The following BUB1 variants were observed in gnomAD, a reference collection of about 807,000 sequenced individuals.
BUB1 encodes BUB1 mitotic checkpoint serine/threonine kinase, also known as mitotic checkpoint serine/threonine-protein kinase BUB1.
BUB1 carries 84 observed loss-of-function variants against 135.2 expected under a neutral mutation model. The observed-to-expected ratio is 0.62, with a 90% CI of 0.52 to 0.74. The LOEUF (loss-of-function observed/expected upper bound fraction) is 0.74, where lower values mean the gene tolerates loss of function less well. Among genes scored for constraint, BUB1 ranks in the 30% least tolerant of loss-of-function variants. The pLI is 0.00. For synonymous variants in BUB1, 403 were observed against 434.4 expected, an observed-to-expected ratio of 0.93 and a Z score of 0.90; for missense variants, 1,162 against 1,288.3, an observed-to-expected ratio of 0.90 and a Z score of 1.50.
At position 110,657,088 on chromosome 2, in the gene BUB1, C is replaced by A; in HGVS notation, c.1646G>T (p.Gly549Val). 1 of 1,612,906 alleles carries A rather than the reference C, an allele frequency of 6.2e-7. No homozygotes were observed. Among genetic ancestry groups the A allele is most frequent in the South Asian group, 1.1e-5 (1 of 90,852 alleles). ...GLPQPKNKPT[G>V]ARTFGERSVS... is the part of the protein sequence containing the mutation. The stretch of plus-strand genomic sequence containing the variant: ...AGAGCGTTCTCCAAAGGTCCTGGCT[C>A]CTGTGGGTTTATTTTTAGGCTGTGG... Residue 549 changes from glycine (G) to valine (V), a missense_variant, in exon 15 of 25, where the codon GGA becomes GTA. Gly to Val is a moderately radical substitution (Grantham distance 109, BLOSUM62 -3). Transcript: ENST00000302759.
At chr2:110,643,445 A>G (rs1306191123) in intron 19 of BUB1, among the ~76,000 whole-genome samples, 4 of 152,234 alleles carry the variant, frequency 2.6e-5, no homozygotes, top group Non-Finnish European at 5.9e-5. Flanking sequence ...CCTAACCCAT[A>G]GGCAGATTAA....
At chr2:110,663,153 G>A (rs992111058) in intron 9 of BUB1, among the ~76,000 whole-genome samples, 4 of 152,024 alleles carry the variant, frequency 2.6e-5, no homozygotes, top group Non-Finnish European at 5.9e-5. Context: ...GGTGGCGGGC[G>A]CCTGTAATCC....
chr2:110,641,067 AAC>A lies in BUB1; in HGVS notation c.2920_2921del (p.Val974Ter). 6.2e-7 allele frequency: 1 copy of A among 1,605,008 alleles called. No homozygotes were observed. The highest frequency in any genetic ancestry group is 8.5e-7 in the Non-Finnish European group (1 of 1,176,872). ...AKCETSGFQCVEMLSNKPWNY... is the reference protein window; with the variant it reads ...AKCETSGFQCXEMLSNKPWNY... ...TCCATGGTTTGTTGCTGAGCATCTCAACACACTGAAAACCAGATGTTTCACAC... is the reference window on the plus strand; with the variant it reads ...TCCATGGTTTGTTGCTGAGCATCTCAACACTGAAAACCAGATGTTTCACAC... On this transcript the variant is annotated frameshift_variant, in exon 23 of 25. Coordinates refer to ENST00000302759, the MANE Select transcript of BUB1 (RefSeq NM_004336.5). LOFTEE classifies it high-confidence loss of function.
At position 110,657,867 on chromosome 2, in the gene BUB1, T is replaced by C. The variant is rs537411841; in HGVS notation, c.1517-222A>G. Among the ~76,000 whole-genome samples the C allele has an allele frequency of 3.7e-4, 57 of 152,352 alleles. 1 individual carries two copies. In the South Asian group the frequency reaches 6.2e-3, roughly 17 times the overall value. ...TCCCAGGTCACGAGTCCCTGCCACATATCAGCAAGGTGTTAATCATTCTCC... is the reference window on the plus strand; with the variant it reads ...TCCCAGGTCACGAGTCCCTGCCACACATCAGCAAGGTGTTAATCATTCTCC... On this transcript the variant is annotated intron_variant, in intron 13 of 24. Coordinates refer to ENST00000302759, the MANE Select transcript of BUB1 (RefSeq NM_004336.5).
chr2:110,639,401 AAAAAAAAG>A (rs1186121267), intron 24 of BUB1, among the ~76,000 whole-genome samples: 4 of 149,970 alleles, frequency 2.7e-5, no homozygotes, highest in African/African-American at 7.5e-5. Flanking sequence ...GACCAAAAAA[AAAAAAAAG>A]AAAAAAAAGA....
intron 9 of BUB1, among the ~76,000 whole-genome samples, chr2:110,662,624 AC>A (rs1321058720): frequency 2.6e-5 from 4 of 152,148 alleles, no homozygotes; most frequent in Non-Finnish European, 4.4e-5. Flanking sequence ...ACATGGCAAA[AC>A]CCTGTCTCTA....
At chr2:110,673,783 G>A (rs1330928021) in intron 3 of BUB1, among the ~76,000 whole-genome samples, 1 of 152,032 alleles carries the variant, frequency 6.6e-6, no homozygotes, top group Non-Finnish European at 1.5e-5. Context: ...ATTTTTAGTA[G>A]AGACAGGATT....
intron 22 of BUB1, 34 bp downstream of exon 22, chr2:110,641,273 A>T: frequency 6.3e-7 from 1 of 1,588,782 alleles, no homozygotes; most frequent in Non-Finnish European, 8.6e-7. Flanking sequence ...TGGAAATAGG[A>T]AGAGAAGAAC....
intron 8 of BUB1, 128 bp downstream of exon 8, chr2:110,667,393 T>G (rs1046562849): frequency 6.1e-5 from 62 of 1,018,822 alleles, no homozygotes; most frequent in Admixed American, 9.4e-5. Flanking sequence ...GGGCTTCTGA[T>G]AGGATGAGAT....
At chr2:110,650,909 G>A in intron 17 of BUB1, 125 bp from the exon 18 acceptor site, 2 of 832,618 alleles carry the variant, frequency 2.4e-6, no homozygotes, top group Non-Finnish European at 3.8e-6. Context: ...CAGACTAAAA[G>A]TTGATTAAAG....
chr2:110,654,936 G>T (rs1689887210), intron 16 of BUB1, among the ~76,000 whole-genome samples: 1 of 152,122 alleles, frequency 6.6e-6, no homozygotes, highest in South Asian at 2.1e-4. Context: ...GTATTCACAG[G>T]TTCCATATCC....
At chr2:110,661,361 G>GA (rs1690077377) in intron 10 of BUB1, 1 of 555,922 alleles carries the variant, frequency 1.8e-6, no homozygotes, top group Non-Finnish European at 3.0e-6. Flanking sequence ...TTTAATTCAC[G>GA]AAAGTATAAA....
At chr2:110,677,877 G>C (rs1409879588) in intron 1 of BUB1, 93 bp downstream of exon 1, 2 of 1,430,468 alleles carry the variant, frequency 1.4e-6, no homozygotes. Context: ...GGGGGCGAAG[G>C]GGGCAAAAGA....
At chr2:110,658,083 T>C (rs1047168997) in intron 13 of BUB1, among the ~76,000 whole-genome samples, 1 of 152,172 alleles carries the variant, frequency 6.6e-6, no homozygotes, top group African/African-American at 2.4e-5. Flanking sequence ...AAATGTGGGC[T>C]AGCTGCCAGC....
intron 10 of BUB1, among the ~76,000 whole-genome samples, chr2:110,660,637 C>A (rs1165315753): frequency 6.6e-6 from 1 of 152,036 alleles, no homozygotes; most frequent in East Asian, 1.9e-4. Flanking sequence ...GGGATAAGAA[C>A]CATCTCTATA....
At chr2:110,639,915 G>A (rs750495460) in intron 23 of BUB1, 67 bp from the exon 24 acceptor site, 16 of 1,282,060 alleles carry the variant, frequency 1.2e-5, no homozygotes, top group Non-Finnish European at 1.5e-5. Flanking sequence ...CAAGATGCCT[G>A]TCTAACTTAG....
At chr2:110,653,908 G>A (rs1689850899) in intron 16 of BUB1, among the ~76,000 whole-genome samples, 1 of 152,108 alleles carries the variant, frequency 6.6e-6, no homozygotes, top group African/African-American at 2.4e-5. Context: ...AAGAGGCTGA[G>A]GTAGGAGGAT....
chr2:110,645,583 G>GTA (rs1553515206), intron 19 of BUB1, among the ~76,000 whole-genome samples: 37 of 145,882 alleles, frequency 2.5e-4, no homozygotes, highest in Admixed American at 1.1e-3. Flanking sequence ...GGCGTTACGT[G>GTA]TATGTGTGTG....
In BUB1 at chr2:110,655,610, C is replaced by T. The variant is rs574459484; in HGVS notation, c.1876+129G>A. ...AATACAATGAACAGATTTTAAGTTT[C>T]TTCTTTATGATTTTCAAAGTTCCCA... On this transcript the variant is annotated intron_variant, in intron 16 of 24. Transcript: ENST00000302759. The T allele has an allele frequency of 9.3e-4, 858 of 918,430 alleles. 5 individuals are homozygous for T. The highest frequency in any genetic ancestry group is 3.0e-3 in the South Asian group (107 of 35,112). 56.9% of individuals were successfully genotyped at this position (918,430 alleles called of 1,614,324 possible).
Sources: allele counts gnomAD v4.1 joint callset (sites outside exome capture counted in the v4.1 genomes callset), GRCh38; gene constraint gnomAD v4.1.1; transcripts MANE v1.5; gene names NCBI Gene and HGNC (gene_info 2026-07-23, HGNC 2026-07-21).